HNF4A: variants seen among roughly 807,000 people sequenced by gnomAD.
The protein encoded by HNF4A is hepatocyte nuclear factor 4 alpha, also known as hepatocyte nuclear factor 4-alpha.
In HNF4A, 15 loss-of-function variants were observed where a neutral mutation model predicts 52.4. The ratio of observed to expected loss-of-function variants is 0.29; its 90% CI spans 0.19 to 0.44. The LOEUF (loss-of-function observed/expected upper bound fraction) is 0.44, where lower values mean the gene tolerates loss of function less well. Among genes scored for constraint, HNF4A ranks in the 20% least tolerant of loss-of-function variants. HNF4A has a pLI of 1.00. For synonymous variants in HNF4A, 280 were observed against 264.4 expected (o/e 1.06, Z -0.57); for missense variants, 479 against 647.2 (o/e 0.74, Z 2.82).
chr20:44,419,961 G>A, intron 7 of HNF4A, 85 bp downstream of exon 7: 1 of 1,339,374 alleles, frequency 7.5e-7, no homozygotes, highest in Non-Finnish European at 1.1e-6. Flanking sequence ...TGTACACTGA[G>A]TTCACAGCCT....
At chr20:44,413,281 G>T (rs2063612449) in intron 3 of HNF4A, among the ~76,000 whole-genome samples, 2 of 152,144 alleles carry the variant, frequency 1.3e-5, no homozygotes, top group African/African-American at 4.8e-5. Context: ...GAATCCCCAG[G>T]CCATCTCCTT....
chr20:44,407,533 C>T (rs2063518835), intron 3 of HNF4A, 58 bp downstream of exon 3: 12 of 1,172,294 alleles, frequency 1.0e-5, no homozygotes, highest in Admixed American at 3.9e-5. Flanking sequence ...CACAGCTCCC[C>T]GACAGTCATT....
upstream of HNF4A, among the ~76,000 whole-genome samples, chr20:44,398,775 T>G (rs1216659190): frequency 2.0e-5 from 3 of 152,324 alleles, no homozygotes; most frequent in African/African-American, 7.2e-5. Context: ...GTCATGGCTG[T>G]GGCATGGTGT....
At chr20:44,409,353 G>A (rs768655683) in intron 3 of HNF4A, among the ~76,000 whole-genome samples, 3 of 152,218 alleles carry the variant, frequency 2.0e-5, no homozygotes, top group Admixed American at 1.3e-4. Flanking sequence ...GTGAACAGTT[G>A]GAGGCAAGAA....
chr20:44,407,036 C>G (rs1255509379), intron 2 of HNF4A, among the ~76,000 whole-genome samples: 6 of 152,198 alleles, frequency 3.9e-5, no homozygotes, highest in South Asian at 2.1e-4. Flanking sequence ...TAACCAGGAG[C>G]CTGCTATGGG....
intron 1 of HNF4A, among the ~76,000 whole-genome samples, chr20:44,385,057 A>ATTTTTTTT (rs1491454694): frequency 2.0e-4 from 6 of 29,938 alleles, no homozygotes; most frequent in East Asian, 3.6e-3. Context: ...GAACTCTGTG[A>ATTTTTTTT]TCTTTTTTTT....
chr20:44,390,427 G>T, intron 1 of HNF4A: 1 of 548,892 alleles, frequency 1.8e-6, no homozygotes, highest in Non-Finnish European at 3.2e-6. Flanking sequence ...GCAGAGCCCT[G>T]GGGCTAATTC....
At chr20:44,433,435 C>T (rs1387900118), downstream of HNF4A, 1 of 152,580 alleles carries the variant, frequency 6.6e-6, no homozygotes, top group African/African-American at 2.4e-5. Flanking sequence ...AATCCCAGCA[C>T]TTTGGGAGGC....
chr20:44,420,432 C>T (rs2063728607), intron 7 of HNF4A, among the ~76,000 whole-genome samples: 1 of 152,106 alleles, frequency 6.6e-6, no homozygotes, highest in South Asian at 2.1e-4. Flanking sequence ...TCTTTACTTC[C>T]CATCTTCCTC....
intron 1 of HNF4A, among the ~76,000 whole-genome samples, chr20:44,359,465 G>A (rs1434378053): frequency 6.6e-6 from 1 of 152,204 alleles, no homozygotes; most frequent in African/African-American, 2.4e-5. Context: ...GGAAAGCTGG[G>A]AAGACAAGTA....
chr20:44,427,027 T>C (rs1250018140), intron 8 of HNF4A, among the ~76,000 whole-genome samples: 1 of 152,224 alleles, frequency 6.6e-6, no homozygotes, highest in Non-Finnish European at 1.5e-5. Flanking sequence ...ATTGGTACTA[T>C]TGATACTTGG....
chr20:44,393,732 C>A (rs1374527177), intron 1 of HNF4A, among the ~76,000 whole-genome samples: 5 of 152,082 alleles, frequency 3.3e-5, no homozygotes, highest in Non-Finnish European at 7.3e-5. Flanking sequence ...TATTTTGCTT[C>A]ATTTCATTTT....
Position 44,429,534 on chromosome 20 carries a change from ACCCCAC to A in HNF4A, c.1295_1300del (p.Thr432_Gln434delinsLys). On this transcript the variant is annotated inframe_deletion, in exon 10 of 10. Transcript: ENST00000316099. ...GTTTGTCCTTCCAGCCACCCCTGAGACCCCACAGCCCTCACCGCCAGGTGGCTCAGG... is the reference window on the plus strand; with the variant it reads ...GTTTGTCCTTCCAGCCACCCCTGAGAAGCCCTCACCGCCAGGTGGCTCAGG... The A allele has an allele frequency of 6.2e-7, 1 of 1,613,580 alleles. No individual in the cohort carries two copies. The highest frequency in any genetic ancestry group is 8.5e-7 in the Non-Finnish European group (1 of 1,179,882).
Position 44,382,248 on chromosome 20 carries a change from T to TC in HNF4A, c.50-23810_50-23809insC, listed in dbSNP as rs201447982. ...AGCTTTCTTTCTTTCTTTCTTTCTT[T>TC]TTTTTTTTTGAGACGAACTCTCGCT... On this transcript the variant is annotated intron_variant, in intron 1 of 9. Transcript: ENST00000316673. Among the ~76,000 whole-genome samples the TC allele has an allele frequency of 4.0e-3, 519 of 130,028 alleles. 2 individuals are homozygous for TC. The highest frequency in any genetic ancestry group is 0.032 in the South Asian group (123 of 3,830). The allele number at this position is 130,028 out of a possible 152,430, so 85.3% of individuals were successfully genotyped here.
intron 1 of HNF4A, among the ~76,000 whole-genome samples, chr20:44,404,143 A>G (rs1015802081): frequency 2.0e-5 from 3 of 152,152 alleles, no homozygotes; most frequent in African/African-American, 7.2e-5. Context: ...GAGTTTTCCT[A>G]TGTGGAAAAG....
chr20:44,374,869 C>G (rs187606683), intron 1 of HNF4A, among the ~76,000 whole-genome samples: 300 of 152,266 alleles, frequency 2.0e-3, no homozygotes, highest in Middle Eastern at 0.014. Flanking sequence ...CATGAAATTG[C>G]TAAATTGAAT....
chr20:44,405,478 G>GC (rs1417517681), intron 1 of HNF4A, among the ~76,000 whole-genome samples: 1 of 152,104 alleles, frequency 6.6e-6, no homozygotes. Context: ...TGCCTCTACG[G>GC]CCCCCCTCAC....
intron 5 of HNF4A, among the ~76,000 whole-genome samples, chr20:44,415,535 A>G (rs1029303777): frequency 2.6e-5 from 4 of 152,198 alleles, no homozygotes; most frequent in African/African-American, 9.7e-5. Context: ...GATGTTACCC[A>G]TCTGGGGAAG....
chr20:44,381,388 C>T (rs1281398904), intron 1 of HNF4A, among the ~76,000 whole-genome samples: 4 of 149,130 alleles, frequency 2.7e-5, no homozygotes, highest in Non-Finnish European at 4.4e-5. Flanking sequence ...TCAAATGATT[C>T]TCCTGTCTCA....
Sources: allele counts gnomAD v4.1 joint callset (sites outside exome capture counted in the v4.1 genomes callset), GRCh38; gene constraint gnomAD v4.1.1; transcripts MANE v1.5; gene names NCBI Gene and HGNC (gene_info 2026-07-23, HGNC 2026-07-21).